Variants in PDE4D observed in about 807,000 individuals in gnomAD.
PDE4D encodes the protein phosphodiesterase 4D.
PDE4D carries 24 observed loss-of-function variants against 87.4 expected under a neutral mutation model. That is an observed-to-expected ratio of 0.27 (90% CI 0.20 to 0.39). The LOEUF is 0.39. Among genes scored for constraint, PDE4D ranks in the 10% least tolerant of loss-of-function variants. The probability of loss-of-function intolerance (pLI) is 1.00; values close to 1 mark genes in which losing one functional copy is unlikely to be tolerated. For synonymous variants in PDE4D, 384 were observed against 383.2 expected, an observed-to-expected ratio of 1.00 and a Z score of -0.02; for missense variants, 714 against 1,041.0, an observed-to-expected ratio of 0.69 and a Z score of 4.32.
intron 1 of PDE4D, among the ~76,000 whole-genome samples, chr5:60,353,959 A>G (rs957500785): frequency 6.6e-6 from 1 of 152,192 alleles, no homozygotes; most frequent in Admixed American, 6.5e-5. Flanking sequence ...TACTGCATGA[A>G]TGCTTACTTA....
chr5:59,632,365 G>A (rs1394264665), intron 1 of PDE4D, among the ~76,000 whole-genome samples: 1 of 152,218 alleles, frequency 6.6e-6, no homozygotes, highest in Non-Finnish European at 1.5e-5. Context: ...GAGAACAGCA[G>A]ATTTCCCAGC....
intron 1 of PDE4D, among the ~76,000 whole-genome samples, chr5:59,843,281 T>C (rs1449178286): frequency 6.6e-6 from 1 of 152,012 alleles, no homozygotes; most frequent in East Asian, 1.9e-4. Flanking sequence ...ATTAGAAATA[T>C]GGTCTGTTCA....
At chr5:59,114,709 G>C (rs949871335) in intron 5 of PDE4D, among the ~76,000 whole-genome samples, 6 of 152,038 alleles carry the variant, frequency 3.9e-5, no homozygotes, top group Non-Finnish European at 8.8e-5. Flanking sequence ...CTCATGCAAA[G>C]ATGGAAAGGT....
chr5:59,802,419 G>A (rs1435023611), intron 1 of PDE4D, among the ~76,000 whole-genome samples: 4 of 109,224 alleles, frequency 3.7e-5, no homozygotes, highest in African/African-American at 1.4e-4. Context: ...TTTTTTTTGA[G>A]ACAGAGTCTC....
At chr5:59,580,996 C>T (rs1486196315) in intron 1 of PDE4D, among the ~76,000 whole-genome samples, 1 of 151,642 alleles carries the variant, frequency 6.6e-6, no homozygotes. Flanking sequence ...CAACATAATC[C>T]CTAGTTGTAA....
chr5:60,106,842 G>A (rs975247007), intron 2 of PDE4D, among the ~76,000 whole-genome samples: 2 of 151,742 alleles, frequency 1.3e-5, no homozygotes, highest in Middle Eastern at 6.8e-3. Context: ...CAGAATCTCT[G>A]GGACACATTC....
intron 1 of PDE4D, among the ~76,000 whole-genome samples, chr5:60,493,269 A>G (rs1749630089): frequency 6.6e-6 from 1 of 152,232 alleles, no homozygotes; most frequent in Non-Finnish European, 1.5e-5. Flanking sequence ...GGAAGTCATT[A>G]ATCTTCAGTC....
chr5:59,799,072 CTA>C (rs1349491492), intron 1 of PDE4D, among the ~76,000 whole-genome samples: 8 of 152,140 alleles, frequency 5.3e-5, no homozygotes, highest in Admixed American at 5.2e-4. Context: ...AAAAAATTCC[CTA>C]TCTCATAAAC....
At position 59,658,482 on chromosome 5, in the gene PDE4D, C is replaced by G. The variant is rs192931653; in HGVS notation, c.455+234686G>C. ...CTGCAAGCTCTGCCTTCTGGGTTCA[C>G]GCCATTCTCCTGCCTCAGCCTCTGG... On this transcript the variant is annotated intron_variant, in intron 1 of 14. Transcript: ENST00000340635. 2.0e-4 allele frequency among the ~76,000 whole-genome samples: 31 copies of G among 152,062 alleles called. No homozygotes were observed. In the East Asian group the frequency reaches 6.0e-3, roughly 30 times the overall value.
At chr5:59,579,842 G>C (rs1190455904) in intron 1 of PDE4D, among the ~76,000 whole-genome samples, 1 of 152,170 alleles carries the variant, frequency 6.6e-6, no homozygotes, top group African/African-American at 2.4e-5. Flanking sequence ...ATATCGTCCA[G>C]AGAGGCACTT....
chr5:59,244,625 T>C (rs1293247407), intron 1 of PDE4D, among the ~76,000 whole-genome samples: 1 of 149,544 alleles, frequency 6.7e-6, no homozygotes, highest in South Asian at 2.1e-4. Flanking sequence ...TACATGTATG[T>C]ACATTTACAT....
At chr5:59,230,859 G>T (rs1351224707) in intron 1 of PDE4D, among the ~76,000 whole-genome samples, 3 of 152,156 alleles carry the variant, frequency 2.0e-5, no homozygotes, top group African/African-American at 7.2e-5. Flanking sequence ...GGGCTTCAGA[G>T]GGTTGTGTGG....
chr5:59,175,471 CTTTTTTTTTTTT>C (rs563138575), intron 5 of PDE4D, among the ~76,000 whole-genome samples: 1 of 91,208 alleles, frequency 1.1e-5, no homozygotes, highest in East Asian at 4.1e-4. Flanking sequence ...ATTTTTCTTT[CTTTTTTTTTTTT>C]TTTTTTTTTT....
chr5:59,956,159 G>A (rs528483384), intron 3 of PDE4D, among the ~76,000 whole-genome samples: 4 of 152,224 alleles, frequency 2.6e-5, no homozygotes, highest in African/African-American at 7.2e-5. Context: ...AGAAAACCCC[G>A]AATAATAAAG....
intron 5 of PDE4D, among the ~76,000 whole-genome samples, chr5:59,045,677 C>T (rs1273668685): frequency 6.6e-6 from 1 of 151,552 alleles, no homozygotes; most frequent in Non-Finnish European, 1.5e-5. Context: ...CTGGCCATCT[C>T]AAAGACTGGC....
At chr5:60,042,703 G>A (rs542972878) in intron 2 of PDE4D, among the ~76,000 whole-genome samples, 111 of 152,306 alleles carry the variant, frequency 7.3e-4, no homozygotes, top group African/African-American at 2.5e-3. Context: ...GCAGCAGAGA[G>A]GCCTGACTGT....
At chr5:59,970,245 A>G (rs1431896030) in intron 3 of PDE4D, among the ~76,000 whole-genome samples, 2 of 152,210 alleles carry the variant, frequency 1.3e-5, no homozygotes, top group Non-Finnish European at 2.9e-5. Flanking sequence ...ACCTAAAACC[A>G]TAAAAACCCT....
chr5:59,474,380 C>T (rs1297163779), intron 1 of PDE4D, among the ~76,000 whole-genome samples: 1 of 152,106 alleles, frequency 6.6e-6, no homozygotes, highest in African/African-American at 2.4e-5. Flanking sequence ...GAAAGGAGTA[C>T]AGAAAAGAGT....
intron 2 of PDE4D, among the ~76,000 whole-genome samples, chr5:60,082,065 A>G (rs778935734): frequency 6.6e-6 from 1 of 152,152 alleles, no homozygotes; most frequent in Admixed American, 6.5e-5. Flanking sequence ...AAAGTGGTTT[A>G]CTTCCCAATT....
Sources: allele counts gnomAD v4.1 joint callset (sites outside exome capture counted in the v4.1 genomes callset), GRCh38; gene constraint gnomAD v4.1.1; transcripts MANE v1.5; gene names NCBI Gene and HGNC (gene_info 2026-07-23, HGNC 2026-07-21).